BMPER: variants seen among roughly 807,000 people sequenced by gnomAD.
The protein encoded by BMPER is BMP-binding endothelial regulator protein.
A neutral mutation model predicts 87.3 loss-of-function variants in BMPER; 45 were observed. The ratio of observed to expected loss-of-function variants is 0.52; its 90% CI spans 0.41 to 0.66. BMPER has a LOEUF of 0.66. Ranked by LOEUF, BMPER falls within the 30% of genes least tolerant of loss-of-function variation. The pLI is 0.00. For synonymous variants in BMPER, 326 were observed against 316.2 expected (o/e 1.03, Z -0.33); for missense variants, 784 against 867.5 (o/e 0.90, Z 1.21).
intron 6 of BMPER, among the ~76,000 whole-genome samples, chr7:33,996,283 T>C (rs984049159): frequency 1.3e-5 from 2 of 152,208 alleles, no homozygotes; most frequent in African/African-American, 4.8e-5. Flanking sequence ...TAATACATGC[T>C]GTGCCTGCTA....
chr7:33,940,740 T>C (rs146868616), intron 3 of BMPER, among the ~76,000 whole-genome samples: 53 of 151,556 alleles, frequency 3.5e-4, no homozygotes, highest in African/African-American at 1.2e-3. Flanking sequence ...TGAGGAATCA[T>C]AGTAATGCAG....
At chr7:34,151,123 T>C (rs970696172) in intron 14 of BMPER, among the ~76,000 whole-genome samples, 11 of 152,250 alleles carry the variant, frequency 7.2e-5, no homozygotes, top group African/African-American at 1.7e-4. Flanking sequence ...AGGGAGCCTA[T>C]TGATGTCATC....
In BMPER at chr7:34,055,255, G is replaced by T; in HGVS notation, c.879G>T (p.Val293=). 1 of 1,614,106 alleles carries T rather than the reference G, an allele frequency of 6.2e-7. No homozygotes were observed. Among genetic ancestry groups the T allele is most frequent in the Non-Finnish European group, 8.5e-7 (1 of 1,180,028 alleles). The change falls in exon 9 of 15, where the codon GTG becomes GTT. Residue 293 remains valine, a synonymous_variant. Coordinates refer to ENST00000649409, the MANE Select transcript of BMPER (RefSeq NM_001365308.1). ...EGCCEECLLR[V]PPEDIKVCKF... ...GTTGTGAAGAGTGCCTCCTACGAGT[G>T]CCCCCAGAAGACATCAAAGTATGCA...
chr7:34,150,669 A>C (rs1344638820), intron 14 of BMPER, among the ~76,000 whole-genome samples: 1 of 152,194 alleles, frequency 6.6e-6, no homozygotes, highest in Non-Finnish European at 1.5e-5. Context: ...TTATCACAGA[A>C]GCCTAAATTG....
intron 3 of BMPER, chr7:33,937,668 A>G: frequency 4.4e-6 from 2 of 452,730 alleles, no homozygotes; most frequent in Non-Finnish European, 8.3e-6. Flanking sequence ...AATGTCGTAG[A>G]GAAGAGTCAA....
intron 6 of BMPER, among the ~76,000 whole-genome samples, chr7:34,015,827 C>T (rs537862779): frequency 5.3e-5 from 8 of 152,026 alleles, no homozygotes; most frequent in East Asian, 2.0e-4. Flanking sequence ...ATGTGGCTCA[C>T]GCTGAGAGAT....
intron 3 of BMPER, among the ~76,000 whole-genome samples, chr7:33,955,882 G>A (rs1040303657): frequency 6.6e-5 from 10 of 152,084 alleles, no homozygotes; most frequent in East Asian, 5.8e-4. Context: ...ACAGATCGGC[G>A]GAATAGAATG....
At chr7:34,140,939 C>T (rs954186683) in intron 13 of BMPER, among the ~76,000 whole-genome samples, 4 of 152,028 alleles carry the variant, frequency 2.6e-5, no homozygotes, top group South Asian at 2.1e-4. Flanking sequence ...CAGTGGGAGC[C>T]GTGTATACAG....
chr7:33,952,613 G>T (rs1785052563), intron 3 of BMPER, among the ~76,000 whole-genome samples: 1 of 152,144 alleles, frequency 6.6e-6, no homozygotes, highest in African/African-American at 2.4e-5. Flanking sequence ...CTGAAAGTAT[G>T]TCCATATATG....
At chr7:34,055,024 G>A (rs1436273866) in intron 8 of BMPER, 139 bp from the exon 9 acceptor site, 38 of 1,237,530 alleles carry the variant, frequency 3.1e-5, no homozygotes, top group Non-Finnish European at 4.4e-5. Flanking sequence ...GTGAATGAAA[G>A]ATTTATTGCA....
chr7:34,124,074 A>G (rs1562758646), intron 13 of BMPER, among the ~76,000 whole-genome samples: 3 of 152,136 alleles, frequency 2.0e-5, no homozygotes, highest in Non-Finnish European at 1.5e-5. Context: ...TAGTTCCTGA[A>G]TGTTGTTGAC....
At chr7:33,911,749 T>C (rs187427600) in intron 2 of BMPER, among the ~76,000 whole-genome samples, 2 of 152,290 alleles carry the variant, frequency 1.3e-5, no homozygotes, top group East Asian at 3.9e-4. Flanking sequence ...AGAGTTGCTA[T>C]GTGAATTAAA....
intron 6 of BMPER, among the ~76,000 whole-genome samples, chr7:34,043,524 G>A (rs975149338): frequency 9.2e-5 from 14 of 152,142 alleles, no homozygotes; most frequent in African/African-American, 3.1e-4. Context: ...AAAGGCAACC[G>A]ATTTTGGTGA....
intron 6 of BMPER, among the ~76,000 whole-genome samples, chr7:33,976,972 T>C (rs1785703619): frequency 6.6e-6 from 1 of 152,218 alleles, no homozygotes; most frequent in African/African-American, 2.4e-5. Context: ...GTATTCTAAT[T>C]TCATATATTC....
At chr7:33,920,417 T>TC in intron 2 of BMPER, among the ~76,000 whole-genome samples, 1 of 116,328 alleles carries the variant, frequency 8.6e-6, no homozygotes, top group African/African-American at 3.4e-5. Context: ...GAAACTCCGT[T>TC]GTGTTTTTTT....
At chr7:33,994,797 G>C (rs573842449) in intron 6 of BMPER, among the ~76,000 whole-genome samples, 14 of 152,212 alleles carry the variant, frequency 9.2e-5, no homozygotes, top group African/African-American at 2.6e-4. Flanking sequence ...TCTACCATTG[G>C]CTAGTTATGT....
chr7:34,118,948 C>A (rs1282388377), intron 13 of BMPER, among the ~76,000 whole-genome samples: 9 of 151,590 alleles, frequency 5.9e-5, no homozygotes, highest in African/African-American at 2.2e-4. Flanking sequence ...CCAGCCCCCA[C>A]AATGTTGTCA....
intron 3 of BMPER, among the ~76,000 whole-genome samples, chr7:33,952,816 C>A (rs576095428): frequency 1.3e-5 from 2 of 152,228 alleles, no homozygotes; most frequent in African/African-American, 2.4e-5. Flanking sequence ...GGAGAGGAAC[C>A]TCATCTTAGA....
chr7:34,139,405 C>T (rs1790805921), intron 13 of BMPER, among the ~76,000 whole-genome samples: 1 of 152,194 alleles, frequency 6.6e-6, no homozygotes, highest in Admixed American at 6.5e-5. Flanking sequence ...TTCTGAAATT[C>T]TGATTTCAAT....
Sources: gnomAD v4.1 joint callset for allele counts (sites outside exome capture counted in the v4.1 genomes callset) on GRCh38, gnomAD v4.1.1 for gene constraint, MANE v1.5 for transcripts, NCBI Gene and HGNC (gene_info 2026-07-23, HGNC 2026-07-21) for gene names.